PDE6B: variants seen among roughly 807,000 people sequenced by gnomAD.
PDE6B encodes the protein rod cGMP-specific 3',5'-cyclic phosphodiesterase subunit beta.
In PDE6B, 106 loss-of-function variants were observed where a neutral mutation model predicts 109.0. The ratio of observed to expected loss-of-function variants is 0.97; its 90% CI spans 0.83 to 1.14. PDE6B has a LOEUF of 1.14. Among genes scored for constraint, PDE6B ranks in the 50% most tolerant of loss-of-function variants. The pLI, the probability that PDE6B is intolerant of heterozygous loss-of-function variation, is 0.00. For synonymous variants in PDE6B, 490 were observed against 471.3 expected, an observed-to-expected ratio of 1.04 and a Z score of -0.51; for missense variants, 1,193 against 1,155.6, an observed-to-expected ratio of 1.03 and a Z score of -0.47.
At position 670,239 on chromosome 4, in the gene PDE6B, ATTTTTT is replaced by A. The variant is rs374413250; in HGVS notation, c.*148_*153del. On this transcript the variant is annotated 3_prime_UTR_variant, in exon 22 of 22. Transcript: ENST00000496514. The stretch of plus-strand genomic sequence containing the variant: ...ACTGAAGATCATTCTGGATATTTTA[ATTTTTT>A]TTTTTTTTTTTTTTTGAGATGGAGT... The A allele has an allele frequency of 4.4e-5, 38 of 862,876 alleles. No individual in the cohort carries two copies. Among genetic ancestry groups the A allele is most frequent in the East Asian group, 1.1e-4 (3 of 27,266 alleles). 53.5% of individuals were successfully genotyped at this position (862,876 alleles called of 1,614,324 possible).
At chr4:640,696 A>G (rs1734909242) in intron 3 of PDE6B, among the ~76,000 whole-genome samples, 1 of 152,014 alleles carries the variant, frequency 6.6e-6, no homozygotes, top group African/African-American at 2.4e-5. Flanking sequence ...TGTGTGATTC[A>G]TTTTCTGAAA....
At chr4:657,110 TC>T in intron 9 of PDE6B, 87 bp downstream of exon 9, 1 of 1,393,488 alleles carries the variant, frequency 7.2e-7, no homozygotes, top group Non-Finnish European at 1.0e-6. Flanking sequence ...CGCCAAGCAT[TC>T]GGCTGTGTGC....
intron 3 of PDE6B, chr4:651,701 A>G (rs13143262): frequency 1.4e-5 from 2 of 146,910 alleles, no homozygotes; most frequent in African/African-American, 5.4e-5. Flanking sequence ...GGAGCTATGA[A>G]GAGCCGTCTC....
At chr4:651,936 A>G (rs571863489) in intron 3 of PDE6B, 329 of 73,950 alleles carry the variant, frequency 4.4e-3, no homozygotes, top group Non-Finnish European at 8.7e-3. Flanking sequence ...AGGGGCTGGG[A>G]AGGCTGGGAG....
At position 633,198 on chromosome 4, in the gene PDE6B, T is replaced by A. The variant is rs1452648894; in HGVS notation, c.469-1479T>A. ...AGGTGCAGAGATGAGCCCTCAGGGG[T>A]TGCAGGTGGTGAGATGAGCCCTCCC... On this transcript the variant is annotated intron_variant, in intron 1 of 21. Coordinates refer to ENST00000496514, the MANE Select transcript of PDE6B (RefSeq NM_000283.4). The surrounding 1 kb of genome is among the most constrained non-coding windows in gnomAD (Gnocchi z 4.5). Among the ~76,000 whole-genome samples, 1 of 151,680 alleles carries A rather than the reference T, an allele frequency of 6.6e-6. No individual in the cohort carries two copies. The highest frequency in any genetic ancestry group is 2.4e-5 in the African/African-American group (1 of 41,278).
At chr4:659,946 G>A (rs1454698721) in intron 11 of PDE6B, among the ~76,000 whole-genome samples, 1 of 152,178 alleles carries the variant, frequency 6.6e-6, no homozygotes, top group Non-Finnish European at 1.5e-5. Flanking sequence ...CTGAGCATGG[G>A]AATGTGCCTG....
intron 9 of PDE6B, 64 bp from the exon 10 acceptor site, chr4:657,287 A>C: frequency 6.3e-7 from 1 of 1,591,406 alleles, no homozygotes; most frequent in Non-Finnish European, 8.6e-7. Context: ...GGCCTGGCAC[A>C]CAGGCACATG....
rs1342719976 is a variant in PDE6B, at chr4:636,849, G to A, written c.711+880G>A. On this transcript the variant is annotated intron_variant, in intron 3 of 21. Transcript: ENST00000496514. The surrounding 1 kb of genome is among the most constrained non-coding windows in gnomAD (Gnocchi z 4.5). ...AGGGGCAGTCTGGAAAGGCGGTCAG[G>A]GCCCCTGGGGCATCCAGCCATCCAG... 1.6e-4 allele frequency among the ~76,000 whole-genome samples: 25 copies of A among 152,338 alleles called. No homozygotes were observed. The South Asian group carries it at 4.3e-3, about 27-fold the overall frequency.
In PDE6B at chr4:626,245, CCCCCTCCCGGCA is replaced by C; in HGVS notation, c.468+153_468+164del. 1.6e-6 allele frequency: 1 copy of C among 616,658 alleles called. No individual in the cohort carries two copies. The highest frequency in any genetic ancestry group is 2.9e-6 in the Non-Finnish European group (1 of 348,206). 38.2% of individuals were successfully genotyped at this position (616,658 alleles called of 1,614,324 possible). A position where few individuals can be genotyped will look rare whatever the true frequency, so the allele number is the denominator to read the frequency against. On this transcript the variant is annotated intron_variant, in intron 1 of 21. Transcript: ENST00000496514. The surrounding 1 kb of genome is among the most constrained non-coding windows in gnomAD (Gnocchi z 4.6). ...TGTGCTGAGGAGCAAGTACCTAGAG[CCCCCTCCCGGCA>C]CTGTGCCCTGGCCGCCTGCCTCTCC...
At chr4:634,369 G>A (rs1169879477) in intron 1 of PDE6B, among the ~76,000 whole-genome samples, 1 of 152,162 alleles carries the variant, frequency 6.6e-6, no homozygotes, top group Non-Finnish European at 1.5e-5. Context: ...CGACGTGGCC[G>A]GAGGGCGGCA....
At chr4:647,843 C>T (rs916248596) in intron 3 of PDE6B, among the ~76,000 whole-genome samples, 7 of 151,966 alleles carry the variant, frequency 4.6e-5, no homozygotes, top group African/African-American at 1.5e-4. Flanking sequence ...GAGGCTGAGG[C>T]GCGCAGATCA....
chr4:663,365 A>G lies in PDE6B; in HGVS notation c.1920+178A>G, dbSNP rs1415009996. On this transcript the variant is annotated intron_variant, in intron 15 of 21. Transcript: ENST00000496514. This position sits in a 1 kb window ranked among gnomAD's most constrained non-coding sequence, Gnocchi z 4.0. ...CCGAGGCTGAGGGCAGGTGCATCGGAGGCCCTGGGAAAACGCTTGTGGGGA... is the reference window on the plus strand; with the variant it reads ...CCGAGGCTGAGGGCAGGTGCATCGGGGGCCCTGGGAAAACGCTTGTGGGGA... 6.6e-6 allele frequency among the ~76,000 whole-genome samples: 1 copy of G among 152,124 alleles called. No individual in the cohort carries two copies. Among genetic ancestry groups the G allele is most frequent in the African/African-American group, 2.4e-5 (1 of 41,438 alleles).
chr4:638,776 C>G (rs375407731), intron 3 of PDE6B, among the ~76,000 whole-genome samples: 2 of 152,158 alleles, frequency 1.3e-5, no homozygotes, highest in East Asian at 3.8e-4. Context: ...GGGGCTGGGC[C>G]TGGTGTTTAT....
Position 663,034 on chromosome 4 carries a change from G to C in PDE6B, c.1833-66G>C, listed in dbSNP as rs1737298890. ...AAGAAAGTGGGGCCCATCTGGGGGG[G>C]CTGCAGAGCGCAGGGTGGGCCAAGG... On this transcript the variant is annotated intron_variant, in intron 14 of 21. Transcript: ENST00000496514. The surrounding 1 kb of genome is among the most constrained non-coding windows in gnomAD (Gnocchi z 4.0). 2.2e-6 allele frequency: 2 copies of C among 890,982 alleles called. No individual in the cohort carries two copies. Among genetic ancestry groups the C allele is most frequent in the Admixed American group, 1.7e-5 (1 of 59,038 alleles). The allele number at this position is 890,982 out of a possible 1,614,324, so 55.2% of individuals were successfully genotyped here.
At chr4:639,295 C>A (rs1734837560) in intron 3 of PDE6B, among the ~76,000 whole-genome samples, 1 of 152,034 alleles carries the variant, frequency 6.6e-6, no homozygotes, top group South Asian at 2.1e-4. Context: ...CAGGTGCACC[C>A]CACCACACCT....
Position 670,178 on chromosome 4 carries a change from T to C in PDE6B, c.*71T>C. On this transcript the variant is annotated 3_prime_UTR_variant, in exon 22 of 22. Transcript: ENST00000496514. ...CTAGGATTTGGGTTCTGCCTGTGGCTATTTGCTACAAGAGGTTAGGAAGCC... is the reference window on the plus strand; with the variant it reads ...CTAGGATTTGGGTTCTGCCTGTGGCCATTTGCTACAAGAGGTTAGGAAGCC... 6.2e-7 allele frequency: 1 copy of C among 1,610,728 alleles called. No homozygotes were observed. The highest frequency in any genetic ancestry group is 2.2e-5 in the East Asian group (1 of 44,854).
chr4:646,638 T>C (rs1450277202), intron 3 of PDE6B, among the ~76,000 whole-genome samples: 2 of 152,050 alleles, frequency 1.3e-5, no homozygotes, highest in Non-Finnish European at 2.9e-5. Context: ...GCTCCGCTCG[T>C]GGTTCCCTCT....
rs1020413652 is a variant in PDE6B at position 629,580 on chromosome 4, TC to T, written c.468+3490del. On this transcript the variant is annotated intron_variant, in intron 1 of 21. Transcript: ENST00000496514. ...AGGCCCGTCCCGGGACCCTGGTGGG[TC>T]CCCTGCCCCCTGCCCCAAAACACCT... Among the ~76,000 whole-genome samples, 15 of 152,224 alleles carry T rather than the reference TC, an allele frequency of 9.9e-5. 1 individual carries two copies. Among genetic ancestry groups the T allele is most frequent in the Non-Finnish European group, 1.5e-4 (10 of 67,994 alleles).
intron 3 of PDE6B, 162 bp from the exon 4 acceptor site, chr4:653,690 A>G (rs1735813183): frequency 1.2e-6 from 1 of 815,324 alleles, no homozygotes; most frequent in Admixed American, 2.1e-5. Context: ...AAACCTGGCC[A>G]CGGAGCCACC....
Sources: allele counts gnomAD v4.1 joint callset (sites outside exome capture counted in the v4.1 genomes callset), GRCh38; gene constraint gnomAD v4.1.1; non-coding constraint Gnocchi (gnomAD v3.1); transcripts MANE v1.5; gene names NCBI Gene and HGNC (gene_info 2026-07-23, HGNC 2026-07-21).